ZNF292: variants seen among roughly 807,000 people sequenced by gnomAD.
ZNF292 encodes zinc finger protein 292.
ZNF292 carries 26 observed loss-of-function variants against 217.9 expected under a neutral mutation model. The ratio of observed to expected loss-of-function variants is 0.12; its 90% confidence interval spans 0.09 to 0.17. The LOEUF (loss-of-function observed/expected upper bound fraction) is 0.17. ZNF292 is among the 10% of genes least tolerant of loss of function. The pLI is 1.00. For missense variants in ZNF292, 2,904 were observed against 3,175.2 expected (o/e 0.91, Z 2.05); for synonymous variants, 1,257 against 1,124.1 (o/e 1.12, Z -2.37).
intron 5 of ZNF292, 137 bp from the exon 6 acceptor site, chr6:87,243,338 C>A: frequency 8.0e-5 from 36 of 447,982 alleles, no homozygotes; most frequent in East Asian, 3.2e-4. Context: ...CAAATTATAA[C>A]TGACTTGATA....
chr6:87,236,405 T>TAA (rs3831157), intron 5 of ZNF292, among the ~76,000 whole-genome samples: 13 of 143,900 alleles, frequency 9.0e-5, no homozygotes, highest in Admixed American at 2.7e-4. Flanking sequence ...TTTTTTTTTT[T>TAA]AAAAAAGAAA....
Position 87,259,798 on chromosome 6 carries a change from T to G in ZNF292, c.6169T>G (p.Leu2057Val), listed in dbSNP as rs1395969122. ...KKSPDKTESS[L>V]QVITVTSEQC... ...AAGTCCTGACAAAACAGAAAGTTCTTTACAAGTGATTACAGTTACTTCAGA... is the reference window on the plus strand; with the variant it reads ...AAGTCCTGACAAAACAGAAAGTTCTGTACAAGTGATTACAGTTACTTCAGA... The change falls in exon 8 of 8, where the codon TTA (leucine) becomes GTA (valine). Residue 2057 changes from leucine (L) to valine (V), a missense_variant. Leu to Val is a conservative substitution (Grantham distance 32). This residue lies in a region of ZNF292 where 261 missense variants were observed against 272.8 expected (regional missense o/e 0.96). Transcript: ENST00000369577. The G allele has an allele frequency of 6.2e-7, 1 of 1,608,116 alleles. No homozygotes were observed.
At chr6:87,182,803 A>G (rs1771510544) in intron 1 of ZNF292, among the ~76,000 whole-genome samples, 1 of 152,162 alleles carries the variant, frequency 6.6e-6, no homozygotes, top group Non-Finnish European at 1.5e-5. Flanking sequence ...ATTTTGTATT[A>G]AGTAAATTAT....
At chr6:87,244,771 A>G (rs999867372) in intron 6 of ZNF292, among the ~76,000 whole-genome samples, 1 of 152,194 alleles carries the variant, frequency 6.6e-6, no homozygotes. Flanking sequence ...TCAATTTTAA[A>G]TTTGTTAGAA....
At chr6:87,202,002 T>C (rs1462573639) in intron 1 of ZNF292, among the ~76,000 whole-genome samples, 1 of 152,212 alleles carries the variant, frequency 6.6e-6, no homozygotes, top group Non-Finnish European at 1.5e-5. Flanking sequence ...GCTATCTGAT[T>C]AGGGCAGATA....
chr6:87,213,468 G>T (rs2127799866), intron 1 of ZNF292, among the ~76,000 whole-genome samples: 1 of 152,268 alleles, frequency 6.6e-6, no homozygotes, highest in South Asian at 2.1e-4. Context: ...TCCTGTATTG[G>T]CTAGGGTTGG....
chr6:87,219,696 T>C (rs939660726), intron 4 of ZNF292, among the ~76,000 whole-genome samples: 1 of 152,250 alleles, frequency 6.6e-6, no homozygotes, highest in Non-Finnish European at 1.5e-5. Flanking sequence ...GTTCTAGCAG[T>C]GTACTTGTTT....
chr6:87,193,018 G>T (rs1026603766), intron 1 of ZNF292, among the ~76,000 whole-genome samples: 2 of 152,142 alleles, frequency 1.3e-5, no homozygotes, highest in Non-Finnish European at 2.9e-5. Flanking sequence ...TAAAGACAGG[G>T]TTTCATTCCT....
At position 87,243,501 on chromosome 6, in the gene ZNF292, A is replaced by C; in HGVS notation, c.768A>C (p.Ala256=). ...EEISEVDCKD[A]LEMICNLESE... ...TTTCAGAAGTTGATTGCAAAGATGC[A>C]CTGGAAATGATCTGTAACTTAGAAT... The change falls in exon 6 of 8, where the codon GCA becomes GCC. Residue 256 remains alanine (A), a synonymous_variant. Transcript: ENST00000369577. 1.9e-6 allele frequency: 3 copies of C among 1,548,618 alleles called. No homozygotes were observed. The highest frequency in any genetic ancestry group is 2.6e-6 in the Non-Finnish European group (3 of 1,147,546).
Position 87,258,133 on chromosome 6 carries a change from A to G in ZNF292, c.4504A>G (p.Thr1502Ala). 1 of 1,612,392 alleles carries G rather than the reference A, an allele frequency of 6.2e-7. No homozygotes were observed. The highest frequency in any genetic ancestry group is 8.5e-7 in the Non-Finnish European group (1 of 1,179,256). Residue 1502 changes from threonine to alanine, a missense_variant, in exon 8 of 8, where the codon ACA (threonine) becomes GCA (alanine). By Grantham distance (58) the Thr-to-Ala change is moderately conservative (BLOSUM62 0). Transcript: ENST00000369577. ...TTTGGAAACTGCTGGCATTCCCAGT[A>G]CATTTGAGGGTGCCGAAATGCTTTC... Reference protein sequence around the residue: ...QALETAGIPSTFEGAEMLSHV... With the variant: ...QALETAGIPSAFEGAEMLSHV...
chr6:87,225,696 A>G (rs1463988287), intron 4 of ZNF292, among the ~76,000 whole-genome samples: 1 of 152,080 alleles, frequency 6.6e-6, no homozygotes, highest in Non-Finnish European at 1.5e-5. Flanking sequence ...ACAGTTTTGC[A>G]AGAAGTACCA....
At position 87,257,375 on chromosome 6, in the gene ZNF292, C is replaced by G. The variant is rs993180909; in HGVS notation, c.3746C>G (p.Thr1249Arg). 1 of 1,613,676 alleles carries G rather than the reference C, an allele frequency of 6.2e-7. No homozygotes were observed. The highest frequency in any genetic ancestry group is 1.3e-5 in the African/African-American group (1 of 75,048). Residue 1249 changes from threonine (T) to arginine (R), a missense_variant, in exon 8 of 8, where the codon ACA (threonine) becomes AGA (arginine). This residue lies in a region of ZNF292 where 687 missense variants were observed against 623.0 expected (regional missense o/e 1.10). Coordinates refer to ENST00000369577, the MANE Select transcript of ZNF292 (RefSeq NM_015021.3). ...GCACAAATGGAAGATCTAACCAAAA[C>G]AGTTCTGCCTTTGAATATTGACAGT... ...LPAQMEDLTK[T>R]VLPLNIDSGS...
intron 7 of ZNF292, among the ~76,000 whole-genome samples, chr6:87,245,880 A>G (rs769256103): frequency 6.6e-6 from 1 of 152,196 alleles, no homozygotes. Flanking sequence ...TACTTAAATT[A>G]TATCATTCTT....
chr6:87,236,880 T>C (rs1315809013), intron 5 of ZNF292, among the ~76,000 whole-genome samples: 2 of 152,246 alleles, frequency 1.3e-5, no homozygotes, highest in Non-Finnish European at 2.9e-5. Flanking sequence ...GCATTTGTAA[T>C]ATCTTTAACC....
intron 1 of ZNF292, among the ~76,000 whole-genome samples, chr6:87,210,432 C>A (rs528297742): frequency 2.0e-5 from 3 of 151,972 alleles, no homozygotes; most frequent in South Asian, 4.2e-4. Flanking sequence ...TAACCTCTTA[C>A]CTATTTCTTC....
At chr6:87,194,148 A>G (rs1771895037) in intron 1 of ZNF292, among the ~76,000 whole-genome samples, 1 of 152,224 alleles carries the variant, frequency 6.6e-6, no homozygotes, top group Non-Finnish European at 1.5e-5. Context: ...AGCTATCAGA[A>G]TGAATTTAGA....
At chr6:87,202,783 AC>A (rs1221181322) in intron 1 of ZNF292, among the ~76,000 whole-genome samples, 1 of 135,112 alleles carries the variant, frequency 7.4e-6, no homozygotes, top group Non-Finnish European at 1.6e-5. Context: ...GGTTTTAGTT[AC>A]CCTGGTACAA....
chr6:87,168,798 T>A (rs544551982), intron 1 of ZNF292, among the ~76,000 whole-genome samples: 1 of 152,136 alleles, frequency 6.6e-6, no homozygotes, highest in South Asian at 2.1e-4. Flanking sequence ...TAGAAAGAGG[T>A]AATTAAATTT....
chr6:87,211,997 T>C (rs1772508563), intron 1 of ZNF292, among the ~76,000 whole-genome samples: 1 of 152,150 alleles, frequency 6.6e-6, no homozygotes. Flanking sequence ...GTGTAGGACT[T>C]TGGTCAGATG....
Sources: allele counts gnomAD v4.1 joint callset (sites outside exome capture counted in the v4.1 genomes callset), GRCh38; gene constraint gnomAD v4.1.1; regional missense constraint gnomAD v4.1.1; transcripts MANE v1.5; gene names NCBI Gene and HGNC (gene_info 2026-07-23, HGNC 2026-07-21).